The following DMTF1 variants were observed in gnomAD, a reference collection of about 807,000 sequenced individuals.
DMTF1 encodes the protein cyclin D binding myb like transcription factor 1, also known as cyclin-D-binding Myb-like transcription factor 1.
In DMTF1, 39 loss-of-function variants were observed where a neutral mutation model predicts 91.1. The ratio of observed to expected loss-of-function variants is 0.43; its 90% confidence interval spans 0.33 to 0.56. The LOEUF (loss-of-function observed/expected upper bound fraction) is 0.56. DMTF1 is among the 20% of genes least tolerant of loss of function. The probability of loss-of-function intolerance (pLI) is 0.05; values close to 1 mark genes in which losing one functional copy is unlikely to be tolerated. For missense variants in DMTF1, 750 were observed against 914.5 expected (o/e 0.82, Z 2.32); for synonymous variants, 338 against 309.5 (o/e 1.09, Z -0.97).
intron 1 of DMTF1, chr7:87,163,089 T>C (rs1422080238): frequency 6.6e-6 from 1 of 151,626 alleles, no homozygotes. Flanking sequence ...CATAAAGAGG[T>C]GTTAATAATT....
At chr7:87,194,210 A>G in intron 16 of DMTF1, 108 bp downstream of exon 16, 1 of 1,187,288 alleles carries the variant, frequency 8.4e-7, no homozygotes, top group Non-Finnish European at 1.2e-6. Context: ...CAAACCCCCA[A>G]CCTCACACCT....
At chr7:87,167,845 A>G (rs1794192924) in intron 4 of DMTF1, among the ~76,000 whole-genome samples, 1 of 152,216 alleles carries the variant, frequency 6.6e-6, no homozygotes, top group South Asian at 2.1e-4. Flanking sequence ...CTATCTATAC[A>G]GATGTAATCC....
chr7:87,180,941 T>C lies in DMTF1; in HGVS notation c.678-368T>C, dbSNP rs889436885. Among the ~76,000 whole-genome samples the C allele has an allele frequency of 6.0e-5, 9 of 150,334 alleles. No individual in the cohort carries two copies. The East Asian group carries it at 1.8e-3, about 29-fold the overall frequency. On this transcript the variant is annotated intron_variant, in intron 8 of 17. Coordinates refer to ENST00000331242, the MANE Select transcript of DMTF1 (RefSeq NM_001142327.2). ...CATGATCTTGGCTCACTGCAACCTC[T>C]GCCTCGTGAGTTCAAGCTATTCTCC...
At chr7:87,169,219 G>A (rs917938387) in intron 4 of DMTF1, among the ~76,000 whole-genome samples, 12 of 152,300 alleles carry the variant, frequency 7.9e-5, no homozygotes, top group East Asian at 3.9e-4. Context: ...AGCACTTTGC[G>A]GGGCAGAGGC....
At chr7:87,159,285 C>G (rs1791594463) in intron 1 of DMTF1, among the ~76,000 whole-genome samples, 1 of 152,146 alleles carries the variant, frequency 6.6e-6, no homozygotes, top group African/African-American at 2.4e-5. Context: ...TTAAACACAT[C>G]TGATAGTTCT....
rs1016090691 is a variant in DMTF1 at position 87,184,566 on chromosome 7, T to C, written c.990T>C (p.Asn330=). 7 of 1,613,794 alleles carry C rather than the reference T, an allele frequency of 4.3e-6. No homozygotes were observed. The highest frequency in any genetic ancestry group is 5.9e-6 in the Non-Finnish European group (7 of 1,179,894). Residue 330 remains asparagine, a synonymous_variant, in exon 11 of 18, where the codon AAT becomes AAC. Transcript: ENST00000331242. ...QCRSKWLNYL[N]WKQSGGTEWT... ...GTTCTAAATGGCTCAACTACCTGAA[T>C]TGGAAACAGAGTGGGGGTACTGAAT...
chr7:87,157,383 A>T (rs966527484), intron 1 of DMTF1, among the ~76,000 whole-genome samples: 4 of 152,144 alleles, frequency 2.6e-5, no homozygotes, highest in African/African-American at 9.6e-5. Flanking sequence ...TGTGCTGCTC[A>T]TGATTGCCAC....
At chr7:87,178,735 T>C (rs1796751587) in intron 7 of DMTF1, among the ~76,000 whole-genome samples, 1 of 151,942 alleles carries the variant, frequency 6.6e-6, no homozygotes, top group Non-Finnish European at 1.5e-5. Flanking sequence ...CTATTAAGGT[T>C]ATGCTAGCCT....
chr7:87,194,022 A>G lies in DMTF1; in HGVS notation c.1948A>G (p.Arg650Gly), dbSNP rs759513832. The change falls in exon 16 of 18, where the codon AGA (arginine) becomes GGA (glycine). Residue 650 changes from arginine to glycine, a missense_variant. This residue lies in a region of DMTF1 where 410 missense variants were observed against 420.2 expected (regional missense o/e 0.98). Coordinates refer to ENST00000331242, the MANE Select transcript of DMTF1 (RefSeq NM_001142327.2). ...STELMNSVMVRTEEEISDTDL... is the reference protein window; with the variant it reads ...STELMNSVMVGTEEEISDTDL... ...AGAACTGATGAATAGTGTTATGGTC[A>G]GAACAGAAGAAGAAATCTCTGACAC... The G allele has an allele frequency of 1.4e-5, 23 of 1,613,030 alleles. No individual in the cohort carries two copies. In the East Asian group the frequency reaches 4.5e-4, roughly 31 times the overall value.
At chr7:87,169,808 C>T (rs1461186547) in intron 4 of DMTF1, among the ~76,000 whole-genome samples, 1 of 152,208 alleles carries the variant, frequency 6.6e-6, no homozygotes, top group Non-Finnish European at 1.5e-5. Flanking sequence ...TCTTCTTAGT[C>T]TCCACTGCTG....
At chr7:87,191,191 T>A (rs1026181774) in intron 14 of DMTF1, among the ~76,000 whole-genome samples, 164 bp downstream of exon 14, 1 of 152,118 alleles carries the variant, frequency 6.6e-6, no homozygotes, top group Non-Finnish European at 1.5e-5. Flanking sequence ...TTTTCTCTCA[T>A]CTGTATATAA....
At chr7:87,194,663 T>G (rs192207965) in intron 16 of DMTF1, 21 bp from the exon 17 acceptor site, 8 of 1,565,222 alleles carry the variant, frequency 5.1e-6, no homozygotes, top group Non-Finnish European at 7.0e-6. Flanking sequence ...GAGTCAATAT[T>G]TTTTTTTTAA....
chr7:87,178,305 A>G (rs1002599907), intron 7 of DMTF1, among the ~76,000 whole-genome samples: 5 of 152,122 alleles, frequency 3.3e-5, no homozygotes, highest in Non-Finnish European at 5.9e-5. Flanking sequence ...CAACCTTGCT[A>G]AAATTAGTTC....
At chr7:87,158,573 G>A (rs1272917883) in intron 1 of DMTF1, among the ~76,000 whole-genome samples, 1 of 151,950 alleles carries the variant, frequency 6.6e-6, no homozygotes, top group African/African-American at 2.4e-5. Context: ...CATAATTCTT[G>A]ATGCAGAACA....
At chr7:87,175,350 T>C (rs1405728346) in intron 7 of DMTF1, among the ~76,000 whole-genome samples, 1 of 152,216 alleles carries the variant, frequency 6.6e-6, no homozygotes, top group African/African-American at 2.4e-5. Flanking sequence ...GAATTTTTGA[T>C]GTCATAGTAG....
At chr7:87,170,965 T>C (rs772937512) in intron 4 of DMTF1, 30 bp from the exon 5 acceptor site, 11 of 1,419,144 alleles carry the variant, frequency 7.8e-6, no homozygotes, top group African/African-American at 5.7e-5. Context: ...CCGTTATTAT[T>C]CTGGAGATGA....
intron 12 of DMTF1, chr7:87,187,165 TCTTAA>T (rs1450858972): frequency 6.6e-5 from 10 of 152,188 alleles, no homozygotes; most frequent in African/African-American, 2.4e-4. Flanking sequence ...ATTATAGCAC[TCTTAA>T]CTTCCATTAT....
intron 1 of DMTF1, among the ~76,000 whole-genome samples, chr7:87,162,339 G>A (rs1238941199): frequency 1.3e-5 from 2 of 152,174 alleles, no homozygotes; most frequent in Non-Finnish European, 2.9e-5. Context: ...GGGATTATAA[G>A]GGTGAGCCAC....
chr7:87,172,338 G>A (rs190134569), intron 5 of DMTF1, among the ~76,000 whole-genome samples: 1 of 152,324 alleles, frequency 6.6e-6, no homozygotes, highest in East Asian at 1.9e-4. Context: ...ACTTGTTCCA[G>A]TGATTTCCAG....
Sources: allele counts gnomAD v4.1 joint callset (sites outside exome capture counted in the v4.1 genomes callset), GRCh38; gene constraint gnomAD v4.1.1; regional missense constraint gnomAD v4.1.1; transcripts MANE v1.5; gene names NCBI Gene and HGNC (gene_info 2026-07-23, HGNC 2026-07-21).